Variants in ADCY9 observed in about 807,000 individuals in gnomAD.
ADCY9 encodes the protein adenylate cyclase 9, also known as adenylate cyclase type 9.
A neutral mutation model predicts 101.5 loss-of-function variants in ADCY9; 50 were observed. The observed-to-expected ratio is 0.49, with a 90% CI of 0.39 to 0.62. ADCY9 has a LOEUF of 0.62. Ranked by LOEUF, ADCY9 falls within the 20% of genes least tolerant of loss-of-function variation. The pLI, the probability that ADCY9 is intolerant of heterozygous loss-of-function variation, is 0.00. For missense variants in ADCY9, 1,662 were observed against 1,800.4 expected (o/e 0.92, Z 1.39); for synonymous variants, 905 against 769.3 (o/e 1.18, Z -2.92).
chr16:4,014,732 G>A (rs2056426462), intron 2 of ADCY9, among the ~76,000 whole-genome samples: 1 of 152,044 alleles, frequency 6.6e-6, no homozygotes, highest in South Asian at 2.1e-4. Context: ...AAAGGCGTGA[G>A]CCACCACACC....
At chr16:4,099,239 T>C (rs147520106) in intron 2 of ADCY9, among the ~76,000 whole-genome samples, 1 of 152,262 alleles carries the variant, frequency 6.6e-6, no homozygotes, top group Non-Finnish European at 1.5e-5. Context: ...GGCCTTTTTA[T>C]TGTTTTTTTA....
At chr16:3,956,885 A>G (rs1194497513) in intron 5 of ADCY9, among the ~76,000 whole-genome samples, 2 of 152,106 alleles carry the variant, frequency 1.3e-5, no homozygotes, top group East Asian at 3.9e-4. Flanking sequence ...CTCTGTAGAC[A>G]CCGAGTTGAG....
intron 8 of ADCY9, 95 bp downstream of exon 8, chr16:3,979,021 T>C (rs2056116875): frequency 2.6e-6 from 4 of 1,531,618 alleles, no homozygotes; most frequent in Admixed American, 3.4e-5. Flanking sequence ...GGCCAAAGGG[T>C]TTATTTTTAA....
downstream of ADCY9, among the ~76,000 whole-genome samples, chr16:3,960,809 G>A (rs141264176): frequency 6.6e-6 from 1 of 152,240 alleles, no homozygotes; most frequent in East Asian, 1.9e-4. Context: ...ACTCTTTAGA[G>A]TCATGATATT....
chr16:4,114,711 C>T lies in ADCY9; in HGVS notation c.732G>A (p.Leu244=). The change falls in exon 2 of 11, where the codon CTG becomes CTA. Residue 244 remains leucine, a synonymous_variant. Coordinates refer to ENST00000294016, the MANE Select transcript of ADCY9 (RefSeq NM_001116.4). This position sits in a 1 kb window ranked among gnomAD's most constrained non-coding sequence, Gnocchi z 4.3. ...AGTAGGCCACCCCCAGACACAAACT[C>T]AGGTACAAAGGTAAGTGCATGACGG... ...LYTVMHLPLY[L]SLCLGVAYSV... is the part of the protein sequence containing the mutation. 6.2e-7 allele frequency: 1 copy of T among 1,613,186 alleles called. No homozygotes were observed. Among genetic ancestry groups the T allele is most frequent in the Non-Finnish European group, 8.5e-7 (1 of 1,180,050 alleles).
intron 2 of ADCY9, among the ~76,000 whole-genome samples, chr16:4,024,723 A>C (rs2141745186): frequency 6.6e-6 from 1 of 152,240 alleles, no homozygotes. Flanking sequence ...GGCAGAACCG[A>C]CAGGATGTGA....
In ADCY9 at chr16:3,972,889, T is replaced by C. The variant is rs554337315; in HGVS notation, c.2870+1780A>G. 4.6e-5 allele frequency among the ~76,000 whole-genome samples: 7 copies of C among 152,152 alleles called. 1 individual carries two copies. In the South Asian group the frequency reaches 1.5e-3, roughly 32 times the overall value. On this transcript the variant is annotated intron_variant, in intron 10 of 10. Coordinates refer to ENST00000294016, the MANE Select transcript of ADCY9 (RefSeq NM_001116.4). ...GGTGAAAATGCACTGAGCTGTCCTT[T>C]TATGATCAGGTACTCTTCTGTGCAT... is the stretch of plus-strand genomic sequence containing the variant.
intron 2 of ADCY9, among the ~76,000 whole-genome samples, chr16:4,083,912 C>T (rs1256820319): frequency 6.6e-6 from 1 of 152,092 alleles, no homozygotes; most frequent in Admixed American, 6.5e-5. Context: ...GAAAACGTCC[C>T]CAAATTGTCT....
chr16:4,049,720 G>A (rs956520470), intron 2 of ADCY9, among the ~76,000 whole-genome samples: 2 of 152,100 alleles, frequency 1.3e-5, no homozygotes, highest in East Asian at 3.8e-4. Context: ...GATTCTTCCA[G>A]ACTTCAAAAT....
chr16:4,074,107 G>T (rs2601812), intron 2 of ADCY9, among the ~76,000 whole-genome samples: 16,364 of 151,900 alleles, frequency 0.11, 1,351 homozygotes, highest in East Asian at 0.42. Context: ...TCATCAAACA[G>T]CATTGCTCTA....
chr16:4,041,946 C>T (rs1250263034), intron 2 of ADCY9, among the ~76,000 whole-genome samples: 12 of 101,124 alleles, frequency 1.2e-4, no homozygotes, highest in Admixed American at 6.8e-4. Context: ...TTTTTTGAGA[C>T]GGAGTCTTGC....
chr16:3,965,997 G>T lies in ADCY9; in HGVS notation c.3840C>A (p.Asn1280Lys). 9 of 1,614,240 alleles carry T rather than the reference G, an allele frequency of 5.6e-6. No individual in the cohort carries two copies. Among genetic ancestry groups the T allele is most frequent in the Non-Finnish European group, 7.6e-6 (9 of 1,180,050 alleles). ...CCACATACTGGACAGAAGGCACCAG[G>T]TTGGCAATCTCGTCTGTGGGAGACC... Reference protein sequence around the residue: ...IGRSPTDEIANLVPSVQYVDK... With the variant: ...IGRSPTDEIAKLVPSVQYVDK... The change falls in exon 11 of 11, where the codon AAC (asparagine) becomes AAA (lysine). Residue 1280 changes from asparagine (N) to lysine (K), a missense_variant. By Grantham distance (94) the Asn-to-Lys change is moderately conservative. Transcript: ENST00000294016.
chr16:4,068,513 T>G (rs1179497201), intron 2 of ADCY9, among the ~76,000 whole-genome samples: 1 of 152,046 alleles, frequency 6.6e-6, no homozygotes, highest in Non-Finnish European at 1.5e-5. Context: ...GTTGCTTGCT[T>G]TTTTCAATTC....
rs2057149243 is a variant in ADCY9 at position 4,115,967 on chromosome 16, G to C, written c.-321C>G. On this transcript the variant is annotated 5_prime_UTR_variant, in exon 1 of 11. Transcript: ENST00000294016. This position sits in a 1 kb window ranked among gnomAD's most constrained non-coding sequence, Gnocchi z 6.2. ...GATGCGTCAAAGGCGGCGCGCGGCCGGCCCCGGGCCCGGACCCCGACCCGG... is the reference window on the plus strand; with the variant it reads ...GATGCGTCAAAGGCGGCGCGCGGCCCGCCCCGGGCCCGGACCCCGACCCGG... The C allele has an allele frequency of 1.1e-5, 2 of 189,600 alleles. No homozygotes were observed. The highest frequency in any genetic ancestry group is 3.7e-4 in the Admixed American group (2 of 5,468). 11.7% of individuals were successfully genotyped at this position (189,600 alleles called of 1,614,324 possible).
chr16:4,019,165 A>T (rs980173682), intron 2 of ADCY9, among the ~76,000 whole-genome samples: 4 of 151,968 alleles, frequency 2.6e-5, no homozygotes, highest in African/African-American at 9.7e-5. Flanking sequence ...ATTTTTTTTT[A>T]AAGATGGAAT....
At chr16:4,027,518 C>T (rs2056524289) in intron 2 of ADCY9, among the ~76,000 whole-genome samples, 1 of 152,196 alleles carries the variant, frequency 6.6e-6, no homozygotes, top group Non-Finnish European at 1.5e-5. Context: ...CAAGGAGGAG[C>T]AAGTCACGTC....
rs2055984676 is a variant in ADCY9 at position 3,965,728 on chromosome 16, CTG to C, written c.*45_*46del. 4 of 1,533,524 alleles carry C rather than the reference CTG, an allele frequency of 2.6e-6. No homozygotes were observed. The highest frequency in any genetic ancestry group is 2.7e-6 in the Non-Finnish European group (3 of 1,126,310). 95.0% of individuals were successfully genotyped at this position (1,533,524 alleles called of 1,614,324 possible). A position where few individuals can be genotyped will look rare whatever the true frequency, so the allele number is the denominator to read the frequency against. ...GCACAACAGCCAAATACAAATATTA[CTG>C]TGTTTCGACAAACAGAGCACCTCGG... is the stretch of plus-strand genomic sequence containing the variant. On this transcript the variant is annotated 3_prime_UTR_variant, in exon 11 of 11. Transcript: ENST00000294016.
At chr16:4,105,117 A>G (rs2057068067) in intron 2 of ADCY9, among the ~76,000 whole-genome samples, 1 of 152,208 alleles carries the variant, frequency 6.6e-6, no homozygotes, top group Admixed American at 6.5e-5. Context: ...CAGACATTAA[A>G]GAGATTTGCA....
At chr16:3,983,036 C>T in intron 7 of ADCY9, 196 bp downstream of exon 7, 4 of 610,442 alleles carry the variant, frequency 6.6e-6, no homozygotes, top group Non-Finnish European at 1.1e-5. Context: ...GAGGTGGTCC[C>T]CCCGCATCTG....
Sources: allele counts gnomAD v4.1 joint callset (sites outside exome capture counted in the v4.1 genomes callset), GRCh38; gene constraint gnomAD v4.1.1; non-coding constraint Gnocchi (gnomAD v3.1); transcripts MANE v1.5; gene names NCBI Gene and HGNC (gene_info 2026-07-23, HGNC 2026-07-21).